MUC5AC: variants seen among roughly 807,000 people sequenced by gnomAD.
MUC5AC encodes the protein mucin 5AC, oligomeric mucus/gel-forming.
MUC5AC carries 158 observed loss-of-function variants against 169.7 expected under a neutral mutation model. That is an observed-to-expected ratio of 0.93 (90% CI 0.82 to 1.06). The LOEUF (loss-of-function observed/expected upper bound fraction) is 1.06, where lower values mean the gene tolerates loss of function less well. MUC5AC is among the 50% of genes least tolerant of loss of function. The pLI, the probability that MUC5AC is intolerant of heterozygous loss-of-function variation, is 0.00. For synonymous variants in MUC5AC, 1,975 were observed against 1,237.0 expected (o/e 1.60, Z -12.52); for missense variants, 4,359 against 3,089.9 (o/e 1.41, Z -9.74).
Position 1,187,328 on chromosome 11 carries a change from T to G in MUC5AC, c.9183T>G (p.Thr3061=). 1.5e-6 allele frequency: 1 copy of G among 666,720 alleles called. No homozygotes were observed. The highest frequency in any genetic ancestry group is 2.7e-6 in the Non-Finnish European group (1 of 373,330). The allele number at this position is 666,720 out of a possible 1,614,324, so 41.3% of individuals were successfully genotyped here. A position where few individuals can be genotyped will look rare whatever the true frequency, so the allele number is the denominator to read the frequency against. The change falls in exon 31 of 49, where the codon ACT becomes ACG. Residue 3061 remains threonine (T), a synonymous_variant. Transcript: ENST00000621226. Reference sequence around the variant, plus strand: ...CCTCGGCTTCTACCACCAGCATAACTTCTGGTCCTGGAACTACCCCAAGCC... The same window carrying G: ...CCTCGGCTTCTACCACCAGCATAACGTCTGGTCCTGGAACTACCCCAAGCC... ...STTSASTTSI[T]SGPGTTPSPV...
Position 1,190,600 on chromosome 11 carries a change from G to A in MUC5AC, c.12455G>A (p.Ser4152Asn), listed in dbSNP as rs1229234228. Residue 4152 changes from serine (S) to asparagine (N), a missense_variant, in exon 31 of 49, where the codon AGC (serine) becomes AAC (asparagine). Ser to Asn is a conservative substitution (Grantham distance 46). Transcript: ENST00000621226. ...THRTTSGPTTSTTLAPTTSTT... is the reference protein window; with the variant it reads ...THRTTSGPTTNTTLAPTTSTT... The stretch of plus-strand genomic sequence containing the variant: ...AGAACGACTTCTGGTCCTACAACCA[G>A]CACAACCTTGGCTCCTACAACCAGC... 5.8e-6 allele frequency: 4 copies of A among 693,604 alleles called. No individual in the cohort carries two copies. The highest frequency in any genetic ancestry group is 1.1e-5 in the Non-Finnish European group (4 of 380,656). The allele number at this position is 693,604 out of a possible 1,614,324, so 43.0% of individuals were successfully genotyped here. A position where few individuals can be genotyped will look rare whatever the true frequency, so the allele number is the denominator to read the frequency against.
Position 1,164,387 on chromosome 11 carries a change from C to CCT in MUC5AC, c.1004-13_1004-12dup. 1 of 1,612,026 alleles carries CCT rather than the reference C, an allele frequency of 6.2e-7. No homozygotes were observed. On this transcript the variant is annotated intron_variant, in intron 8 of 48. Coordinates refer to ENST00000621226, the MANE Select transcript of MUC5AC (RefSeq NM_001304359.2). Reference sequence around the variant, plus strand: ...AGGGCAGGGGCAGGCAGACGTGAGCCCTCTCTCTGCCTCCCGCAGCCCAGA... The same window carrying CCT: ...AGGGCAGGGGCAGGCAGACGTGAGCCCTCTCTCTCTGCCTCCCGCAGCCCAGA...
Position 1,199,839 on chromosome 11 carries a change from C to G in MUC5AC, c.16586-16C>G. Reference sequence around the variant, plus strand: ...GGAGCAGCTGGGCTGGTCCTAAACCCTGTGTTCCTCTCCAGAGTCGACCTG... The same window carrying G: ...GGAGCAGCTGGGCTGGTCCTAAACCGTGTGTTCCTCTCCAGAGTCGACCTG... On this transcript the variant is annotated splice_polypyrimidine_tract_variant and intron_variant, in intron 47 of 48. Transcript: ENST00000621226. 1 of 757,522 alleles carries G rather than the reference C, an allele frequency of 1.3e-6. No individual in the cohort carries two copies. The highest frequency in any genetic ancestry group is 2.4e-6 in the Non-Finnish European group (1 of 414,494). The allele number at this position is 757,522 out of a possible 1,614,324, so 46.9% of individuals were successfully genotyped here.
chr11:1,158,912 G>A (rs552885685), intron 1 of MUC5AC, among the ~76,000 whole-genome samples: 1 of 152,310 alleles, frequency 6.6e-6, no homozygotes, highest in Admixed American at 6.5e-5. Flanking sequence ...CGGTGTCTCC[G>A]TGCCACCCTC....
In MUC5AC at chr11:1,180,374, C is replaced by A. The variant is rs1590143020; in HGVS notation, c.3634C>A (p.Pro1212Thr). The A allele has an allele frequency of 2.5e-6, 1 of 398,634 alleles. No individual in the cohort carries two copies. The highest frequency in any genetic ancestry group is 4.4e-5 in the Admixed American group (1 of 22,728). The allele number at this position is 398,634 out of a possible 1,614,324, so 24.7% of individuals were successfully genotyped here. ...CACAGGCTGCTACCCCAAGTGCCCA[C>A]CAGAGGCTCCCATCTTTGATGAGGA... Reference protein sequence around the residue: ...GLEGCYPKCPPEAPIFDEDKM... With the variant: ...GLEGCYPKCPTEAPIFDEDKM... Residue 1212 changes from proline to threonine, a missense_variant, in exon 28 of 49, where the codon CCA (proline) becomes ACA (threonine). Pro to Thr is a conservative substitution (Grantham distance 38). Coordinates refer to ENST00000621226, the MANE Select transcript of MUC5AC (RefSeq NM_001304359.2).
chr11:1,177,306 G>A lies in MUC5AC; in HGVS notation c.2869G>A (p.Gly957Arg). Residue 957 changes from glycine to arginine, a missense_variant, in exon 23 of 49, where the codon GGG becomes AGG. Coordinates refer to ENST00000621226, the MANE Select transcript of MUC5AC (RefSeq NM_001304359.2). ...CGAGAACGTCCCCTGCGGCACCACA[G>A]GGACCACCTGCTCCAAGGCCATCAA... ...VTENVPCGTT[G>R]TTCSKAIKIF... is the part of the protein sequence containing the mutation. 2 of 457,580 alleles carry A rather than the reference G, an allele frequency of 4.4e-6. No individual in the cohort carries two copies. Among genetic ancestry groups the A allele is most frequent in the East Asian group, 3.1e-5 (1 of 31,808 alleles). The allele number at this position is 457,580 out of a possible 1,614,324, so 28.3% of individuals were successfully genotyped here.
At chr11:1,160,898 T>G (rs1377074136) in intron 2 of MUC5AC, among the ~76,000 whole-genome samples, 1 of 152,204 alleles carries the variant, frequency 6.6e-6, no homozygotes, top group Non-Finnish European at 1.5e-5. Flanking sequence ...CCTGCAGCGC[T>G]TAGGCTCTGA....
intron 19 of MUC5AC, among the ~76,000 whole-genome samples, 180 bp from the exon 20 acceptor site, chr11:1,175,971 C>T (rs1274852579): frequency 2.7e-5 from 4 of 150,202 alleles, no homozygotes; most frequent in African/African-American, 4.9e-5. Flanking sequence ...AGTTATGCAA[C>T]GCTCACACCC....
At chr11:1,192,722 T>G (rs1861154530) in intron 31 of MUC5AC, 61 bp from the exon 32 acceptor site, 1 of 698,486 alleles carries the variant, frequency 1.4e-6, no homozygotes, top group African/African-American at 1.8e-5. Context: ...GCTCTGGGAG[T>G]TTTTTGCTTC....
At position 1,190,964 on chromosome 11, in the gene MUC5AC, A is replaced by C. The variant is rs2133766360; in HGVS notation, c.12819A>C (p.Thr4273=). ...TSTTSAATTS[T]TSAPTTRTTS... The stretch of plus-strand genomic sequence containing the variant: ...CAACCTCTGCTGCTACAACCAGCAC[A>C]ACCTCTGCTCCTACAACCAGAACAA... Residue 4273 remains threonine (T), a synonymous_variant, in exon 31 of 49, where the codon ACA becomes ACC. Transcript: ENST00000621226. The C allele has an allele frequency of 1.3e-6, 1 of 741,872 alleles. No individual in the cohort carries two copies. The highest frequency in any genetic ancestry group is 2.5e-5 in the East Asian group (1 of 40,222). The allele number at this position is 741,872 out of a possible 1,614,324, so 46.0% of individuals were successfully genotyped here. A position where few individuals can be genotyped will look rare whatever the true frequency, so the allele number is the denominator to read the frequency against.
rs1333455548 is a variant in MUC5AC at position 1,161,562 on chromosome 11, C to G, written c.187C>G (p.Leu63Val). The change falls in exon 3 of 49, where the codon CTG (leucine) becomes GTG (valine). Residue 63 changes from leucine (L) to valine (V), a missense_variant. Physicochemically the swap from Leu to Val is conservative, Grantham distance 32. Coordinates refer to ENST00000621226, the MANE Select transcript of MUC5AC (RefSeq NM_001304359.2). ...PLRGATVFPS[L>V]RTIPVVRASN... Reference sequence around the variant, plus strand: ...CCGTGGGGCGACTGTCTTCCCATCTCTGAGGACCATCCCTGTGGTACGAGG... The same window carrying G: ...CCGTGGGGCGACTGTCTTCCCATCTGTGAGGACCATCCCTGTGGTACGAGG... 1 of 1,610,448 alleles carries G rather than the reference C, an allele frequency of 6.2e-7. No individual in the cohort carries two copies. The highest frequency in any genetic ancestry group is 2.2e-5 in the East Asian group (1 of 44,834).
At chr11:1,160,216 C>T (rs1462463370) in intron 1 of MUC5AC, among the ~76,000 whole-genome samples, 2 of 152,128 alleles carry the variant, frequency 1.3e-5, no homozygotes, top group Non-Finnish European at 2.9e-5. Flanking sequence ...GCCGACCCCT[C>T]CCATGCCTTT....
Position 1,162,581 on chromosome 11 carries a change from A to T in MUC5AC, c.523A>T (p.Ser175Cys). 6.2e-7 allele frequency: 1 copy of T among 1,612,674 alleles called. No individual in the cohort carries two copies. The highest frequency in any genetic ancestry group is 1.1e-5 in the South Asian group (1 of 91,082). ...QSGVLIQQSS[S>C]YTKVEARLGL... ...TGGGGTCCTCATTCAGCAGAGCAGCAGCTACACCAAGGTGGAGGCCAGGCT... is the reference window on the plus strand; with the variant it reads ...TGGGGTCCTCATTCAGCAGAGCAGCTGCTACACCAAGGTGGAGGCCAGGCT... Residue 175 changes from serine to cysteine, a missense_variant, in exon 5 of 49, where the codon AGC becomes TGC. Coordinates refer to ENST00000621226, the MANE Select transcript of MUC5AC (RefSeq NM_001304359.2).
Position 1,194,145 on chromosome 11 carries a change from A to G in MUC5AC, c.14791A>G (p.Thr4931Ala). 1 of 764,950 alleles carries G rather than the reference A, an allele frequency of 1.3e-6. No individual in the cohort carries two copies. The allele number at this position is 764,950 out of a possible 1,614,324, so 47.4% of individuals were successfully genotyped here. A position where few individuals can be genotyped will look rare whatever the true frequency, so the allele number is the denominator to read the frequency against. The change falls in exon 34 of 49, where the codon ACC becomes GCC. Residue 4931 changes from threonine (T) to alanine (A), a missense_variant. Transcript: ENST00000621226. ...CSGWGDPHYI[T>A]FDGTYYTFLD... ...CGGCTGGGGTGACCCCCACTACATC[A>G]CCTTCGACGGCACCTACTACACCTT...
intron 3 of MUC5AC, 146 bp downstream of exon 3, chr11:1,161,732 C>T (rs1260747473): frequency 3.1e-6 from 4 of 1,301,728 alleles, no homozygotes; most frequent in South Asian, 3.0e-5. Context: ...CCAGCATCTC[C>T]CTGCACACGT....
Position 1,188,567 on chromosome 11 carries a change from T to TA in MUC5AC, c.10423dup (p.Thr3475AsnfsTer57), listed in dbSNP as rs1186735916. ...CACAGACCAGCAAAACCTCAGCTGCTACAAGCAGCACAACCTCCGGTTCTG... is the reference window on the plus strand; with the variant it reads ...CACAGACCAGCAAAACCTCAGCTGCTAACAAGCAGCACAACCTCCGGTTCTG... On this transcript the variant is annotated frameshift_variant, in exon 31 of 49. Transcript: ENST00000621226. LOFTEE classifies it high-confidence loss of function. 1.3e-6 allele frequency: 1 copy of TA among 762,738 alleles called. No homozygotes were observed. The highest frequency in any genetic ancestry group is 1.7e-5 in the African/African-American group (1 of 59,074). The allele number at this position is 762,738 out of a possible 1,614,324, so 47.2% of individuals were successfully genotyped here.
chr11:1,162,013 G>T lies in MUC5AC; in HGVS notation c.318G>T (p.Val106=), dbSNP rs764572346. Residue 106 remains valine, a synonymous_variant, in exon 4 of 49, where the codon GTG becomes GTT. Transcript: ENST00000621226. ...VFRFPGLCNY[V]FSEHCGAAYE... ...GCTTCCCCGGCCTCTGCAACTACGT[G>T]TTCTCCGAGCACTGCGGTGCCGCCT... The T allele has an allele frequency of 6.2e-7, 1 of 1,612,470 alleles. No individual in the cohort carries two copies.
chr11:1,199,240 G>A (rs891350225), intron 45 of MUC5AC, 55 bp downstream of exon 45: 41 of 718,848 alleles, frequency 5.7e-5, no homozygotes, highest in Middle Eastern at 2.7e-4. Flanking sequence ...ACTGGGGCAT[G>A]TGGGGACCTG....
rs28633254 is a variant in MUC5AC at position 1,199,373 on chromosome 11, C to T, written c.16398C>T (p.Pro5466=). 407,493 of 713,566 alleles carry T rather than the reference C, an allele frequency of 0.57. 118,826 individuals carry two copies. The highest frequency in any genetic ancestry group is 0.65 in the East Asian group (24,818 of 37,942). The allele number at this position is 713,566 out of a possible 1,614,324, so 44.2% of individuals were successfully genotyped here. ...CCCGGGGCCTGGCCTCCCTCCAGCC[C>T]GGCGAGACCTGGTCAGACGCAGGGA... The part of the protein sequence containing the change: ...TSKSPAHLFY[P]GETWSDAGNH... The change falls in exon 46 of 49, where the codon CCC becomes CCT. Residue 5466 remains proline, a splice_region_variant and synonymous_variant. Coordinates refer to ENST00000621226, the MANE Select transcript of MUC5AC (RefSeq NM_001304359.2).
Sources: allele counts gnomAD v4.1 joint callset (sites outside exome capture counted in the v4.1 genomes callset), GRCh38; gene constraint gnomAD v4.1.1; transcripts MANE v1.5; gene names NCBI Gene and HGNC (gene_info 2026-07-23, HGNC 2026-07-21).